The following TYW1B variants were observed in gnomAD, a reference collection of about 807,000 sequenced individuals.
TYW1B encodes tRNA-yW synthesizing protein 1 homolog B.
Under a neutral mutation model 86.9 loss-of-function variants are expected in TYW1B, and 73 were observed. The observed-to-expected ratio is 0.84, with a 90% CI of 0.70 to 1.02. The LOEUF is 1.02. Among genes scored for constraint, TYW1B ranks in the 50% least tolerant of loss-of-function variants. The pLI, the probability that TYW1B is intolerant of heterozygous loss-of-function variation, is 0.00. For missense variants in TYW1B, 637 were observed against 827.4 expected (o/e 0.77, Z 2.82); for synonymous variants, 248 against 292.8 (o/e 0.85, Z 1.56).
chr7:72,717,445 C>G (rs1554456385), intron 9 of TYW1B, among the ~76,000 whole-genome samples: 1 of 152,080 alleles, frequency 6.6e-6, no homozygotes. Flanking sequence ...ACAGGAAGCG[C>G]TAGGGATTCA....
chr7:72,772,842 G>C (rs1787890933), intron 7 of TYW1B, among the ~76,000 whole-genome samples: 1 of 152,188 alleles, frequency 6.6e-6, no homozygotes, highest in Admixed American at 6.5e-5. Context: ...TATTCACACT[G>C]TGATGATTAT....
chr7:72,689,140 G>T (rs1814079250), intron 11 of TYW1B, among the ~76,000 whole-genome samples: 1 of 152,124 alleles, frequency 6.6e-6, no homozygotes, highest in South Asian at 2.1e-4. Flanking sequence ...ATGGGTTAAG[G>T]CTCAAGAATA....
intron 8 of TYW1B, among the ~76,000 whole-genome samples, chr7:72,730,376 T>C (rs1191398371): frequency 6.7e-6 from 1 of 148,168 alleles, no homozygotes. Flanking sequence ...TCAACAGAGA[T>C]AGATATCACA....
intron 13 of TYW1B, among the ~76,000 whole-genome samples, chr7:72,614,916 G>T (rs375961857): frequency 6.6e-6 from 1 of 152,178 alleles, no homozygotes; most frequent in Non-Finnish European, 1.5e-5. Flanking sequence ...CTAGACAGGG[G>T]CCAAGATTAA....
At chr7:72,640,361 C>T (rs1304223949) in intron 11 of TYW1B, among the ~76,000 whole-genome samples, 8 of 151,870 alleles carry the variant, frequency 5.3e-5, no homozygotes, top group Admixed American at 3.3e-4. Context: ...AGCAGAGACA[C>T]ACGAAAGACT....
chr7:72,823,852 T>C lies in TYW1B; in HGVS notation c.135+3003A>G, dbSNP rs180709509. ...AACACAGCATAAGCATCAGAGGAAC[T>C]AAAAATAGAAATAGTTACAAGGTTT... On this transcript the variant is annotated intron_variant, in intron 2 of 13. Transcript: ENST00000620995. 5.7e-4 allele frequency among the ~76,000 whole-genome samples: 87 copies of C among 152,250 alleles called. 1 individual carries two copies. The East Asian group carries it at 0.016, about 28-fold the overall frequency.
chr7:72,642,420 T>C (rs184320870), intron 11 of TYW1B, among the ~76,000 whole-genome samples: 10 of 152,348 alleles, frequency 6.6e-5, no homozygotes, highest in African/African-American at 1.9e-4. Flanking sequence ...AATTACTATA[T>C]GACCCAGTAA....
At chr7:72,677,108 C>A (rs1813753642) in intron 11 of TYW1B, among the ~76,000 whole-genome samples, 1 of 152,122 alleles carries the variant, frequency 6.6e-6, no homozygotes, top group Non-Finnish European at 1.5e-5. Context: ...GGGTGAACTT[C>A]TTCTTTCTCT....
intron 11 of TYW1B, among the ~76,000 whole-genome samples, chr7:72,667,660 C>T (rs1411805991): frequency 3.9e-5 from 6 of 152,166 alleles, no homozygotes; most frequent in Non-Finnish European, 7.3e-5. Flanking sequence ...CTGCAGTGAG[C>T]TGAGATCATG....
intron 4 of TYW1B, among the ~76,000 whole-genome samples, chr7:72,809,861 A>T (rs1186351047): frequency 6.6e-6 from 1 of 151,708 alleles, no homozygotes; most frequent in South Asian, 2.1e-4. Context: ...TTAGCCAGGC[A>T]TGGTGGTGGG....
intron 13 of TYW1B, among the ~76,000 whole-genome samples, chr7:72,610,525 C>G (rs2129568282): frequency 6.6e-6 from 1 of 152,104 alleles, no homozygotes; most frequent in Admixed American, 6.5e-5. Context: ...CTACCACTCA[C>G]CACTCTCATT....
intron 8 of TYW1B, among the ~76,000 whole-genome samples, chr7:72,738,671 GC>G (rs1176312328): frequency 2.6e-5 from 4 of 152,008 alleles, no homozygotes; most frequent in Admixed American, 6.6e-5. Context: ...TAGCAATTTT[GC>G]CCCCAGCTGA....
chr7:72,817,512 G>A (rs778490298), intron 2 of TYW1B, among the ~76,000 whole-genome samples: 21 of 152,108 alleles, frequency 1.4e-4, no homozygotes, highest in East Asian at 3.9e-4. Flanking sequence ...TCATTAACAC[G>A]TAATCTCCAA....
chr7:72,766,698 A>C (rs1787777421), intron 7 of TYW1B, among the ~76,000 whole-genome samples: 1 of 149,798 alleles, frequency 6.7e-6, no homozygotes, highest in Non-Finnish European at 1.5e-5. Context: ...AGGTCAAGGC[A>C]GGTGGATCAC....
chr7:72,815,022 T>C (rs189673233), intron 3 of TYW1B, among the ~76,000 whole-genome samples: 4 of 147,768 alleles, frequency 2.7e-5, no homozygotes, highest in East Asian at 2.0e-4. Context: ...TGAACTGAGA[T>C]TGCACGACTA....
intron 13 of TYW1B, among the ~76,000 whole-genome samples, chr7:72,578,783 T>A (rs1554429208): frequency 1.3e-5 from 2 of 152,044 alleles, no homozygotes; most frequent in Non-Finnish European, 2.9e-5. Context: ...ACTTGGGGAG[T>A]ACAGGGACAG....
chr7:72,691,465 T>C (rs1202150780), intron 11 of TYW1B, among the ~76,000 whole-genome samples: 1 of 152,234 alleles, frequency 6.6e-6, no homozygotes, highest in African/African-American at 2.4e-5. Flanking sequence ...ATTACTGTCA[T>C]GAGCAAACCC....
At chr7:72,618,239 T>A (rs1388728724) in intron 12 of TYW1B, among the ~76,000 whole-genome samples, 1 of 147,598 alleles carries the variant, frequency 6.8e-6, no homozygotes, top group Non-Finnish European at 1.5e-5. Context: ...TTTTTTTTTT[T>A]TTTTTTTTTT....
rs781870157 is a variant in TYW1B at position 72,802,503 on chromosome 7, C to G, written c.743G>C (p.Ser248Thr). ...ACCACCAAACTCTTCTTCACTGGAGCTCTCGAAGGGTTCTTCCTCCTGGAA... is the reference window on the plus strand; with the variant it reads ...ACCACCAAACTCTTCTTCACTGGAGGTCTCGAAGGGTTCTTCCTCCTGGAA... ...RDTKEEEPFE[S>T]SSEEEFGGED... Residue 248 changes from serine to threonine, a missense_variant, in exon 6 of 14, where the codon AGC (serine) becomes ACC (threonine). Transcript: ENST00000620995. 1.9e-6 allele frequency: 3 copies of G among 1,613,886 alleles called. No homozygotes were observed. Among genetic ancestry groups the G allele is most frequent in the Non-Finnish European group, 2.5e-6 (3 of 1,179,848 alleles).
Sources: gnomAD v4.1 joint callset for allele counts (sites outside exome capture counted in the v4.1 genomes callset) on GRCh38, gnomAD v4.1.1 for gene constraint, MANE v1.5 for transcripts, NCBI Gene and HGNC (gene_info 2026-07-23, HGNC 2026-07-21) for gene names.